CHPF: variants seen among roughly 807,000 people sequenced by gnomAD.
CHPF encodes the protein chondroitin polymerizing factor.
Under a neutral mutation model 55.1 loss-of-function variants are expected in CHPF, and 34 were observed. That is an observed-to-expected ratio of 0.62 (90% CI 0.47 to 0.82). The LOEUF (loss-of-function observed/expected upper bound fraction) is 0.82, where lower values mean the gene tolerates loss of function less well. Among genes scored for constraint, CHPF ranks in the 40% least tolerant of loss-of-function variants. The pLI is 0.00. For synonymous variants in CHPF, 489 were observed against 496.6 expected (o/e 0.98, Z 0.20); for missense variants, 961 against 1,106.1 (o/e 0.87, Z 1.86).
chr2:219,541,226 T>C, intron 2 of CHPF, 101 bp from the exon 3 acceptor site: 2 of 1,180,026 alleles, frequency 1.7e-6, no homozygotes, highest in Non-Finnish European at 2.3e-6. Context: ...GTTGTGGACT[T>C]GCAGTCTGAG....
Position 219,539,355 on chromosome 2 carries a change from T to C in CHPF, c.*28A>G, listed in dbSNP as rs1243944378. The C allele has an allele frequency of 1.3e-6, 2 of 1,563,842 alleles. No individual in the cohort carries two copies. The highest frequency in any genetic ancestry group is 2.7e-5 in the African/African-American group (2 of 74,056). On this transcript the variant is annotated 3_prime_UTR_variant, in exon 4 of 4. Transcript: ENST00000243776. ...GGAGAAGTGGGGTGGGGTGTGGCCATGCCACGGCCCACGGGGACAGGGTGG... is the reference window on the plus strand; with the variant it reads ...GGAGAAGTGGGGTGGGGTGTGGCCACGCCACGGCCCACGGGGACAGGGTGG...
chr2:219,541,729 G>A lies in CHPF; in HGVS notation c.775C>T (p.Leu259=). 1 of 1,611,228 alleles carries A rather than the reference G, an allele frequency of 6.2e-7. No homozygotes were observed. The highest frequency in any genetic ancestry group is 1.3e-5 in the African/African-American group (1 of 75,010). The change falls in exon 2 of 4, where the codon CTG becomes TTG. Residue 259 remains leucine (L), a synonymous_variant. Coordinates refer to ENST00000243776, the MANE Select transcript of CHPF (RefSeq NM_024536.6). The part of the protein sequence containing the change: ...VLLSRMLLQQ[L]RPHLEGCRND... Reference sequence around the variant, plus strand: ...CGGCAGCCTTCCAGGTGGGGGCGCAGTTGTTGCAGCAGCATGCGCGACAGC... The same window carrying A: ...CGGCAGCCTTCCAGGTGGGGGCGCAATTGTTGCAGCAGCATGCGCGACAGC...
chr2:219,540,453 C>G lies in CHPF; in HGVS notation c.1258G>C (p.Ala420Pro). The part of the protein sequence containing the change: ...PRCPLRGADR[A>P]DVADVLGTAL... ...GTCCCCAGAACATCGGCCACATCAGCCCGGTCAGCCCCACGCAGTGGGCAG... is the reference window on the plus strand; with the variant it reads ...GTCCCCAGAACATCGGCCACATCAGGCCGGTCAGCCCCACGCAGTGGGCAG... Residue 420 changes from alanine to proline, a missense_variant, in exon 4 of 4, where the codon GCT (alanine) becomes CCT (proline). Transcript: ENST00000243776. 1.2e-6 allele frequency: 2 copies of G among 1,613,888 alleles called. No homozygotes were observed. Among genetic ancestry groups the G allele is most frequent in the Non-Finnish European group, 1.7e-6 (2 of 1,179,990 alleles).
In CHPF at chr2:219,543,619, G is replaced by T; in HGVS notation, c.-81C>A. On this transcript the variant is annotated 5_prime_UTR_variant, in exon 1 of 4. Transcript: ENST00000243776. ...TCTCCGAGGGGGCGGGACCGGGGAG[G>T]GGGCGGATCCGGAGGGCTCGGGCCC... The T allele has an allele frequency of 8.7e-7, 1 of 1,149,488 alleles. No individual in the cohort carries two copies. The highest frequency in any genetic ancestry group is 1.1e-6 in the Non-Finnish European group (1 of 893,758). The allele number at this position is 1,149,488 out of a possible 1,614,324, so 71.2% of individuals were successfully genotyped here.
Position 219,543,575 on chromosome 2 carries a change from C to A in CHPF, c.-37G>T. On this transcript the variant is annotated 5_prime_UTR_variant, in exon 1 of 4. Coordinates refer to ENST00000243776, the MANE Select transcript of CHPF (RefSeq NM_024536.6). Reference sequence around the variant, plus strand: ...CGCGGGTCCCCGGCCCCGGCGAACCCCCAGAGCAGCCAGAGGAGTCTCCGA... The same window carrying A: ...CGCGGGTCCCCGGCCCCGGCGAACCACCAGAGCAGCCAGAGGAGTCTCCGA... The A allele has an allele frequency of 2.3e-6, 3 of 1,316,134 alleles. No individual in the cohort carries two copies. Among genetic ancestry groups the A allele is most frequent in the Non-Finnish European group, 2.9e-6 (3 of 1,035,034 alleles). The allele number at this position is 1,316,134 out of a possible 1,614,324, so 81.5% of individuals were successfully genotyped here.
chr2:219,541,375 T>C, intron 2 of CHPF: 1 of 545,952 alleles, frequency 1.8e-6, no homozygotes, highest in East Asian at 3.1e-5. Flanking sequence ...ATGCCTATTA[T>C]GTACAAGGCT....
rs756329032 is a variant in CHPF, at chr2:219,539,765, G to C, written c.1946C>G (p.Pro649Arg). The change falls in exon 4 of 4, where the codon CCA (proline) becomes CGA (arginine). Residue 649 changes from proline (P) to arginine (R), a missense_variant. Physicochemically the swap from Pro to Arg is moderately radical, Grantham distance 103. Coordinates refer to ENST00000243776, the MANE Select transcript of CHPF (RefSeq NM_024536.6). ...FFPMHFQAFH[P>R]AVAPPQGPGP... ...AGGCCCTTGTGGTGGGGCCACAGCT[G>C]GGTGGAAGGCTTGGAAATGCATGGG... 1.9e-6 allele frequency: 3 copies of C among 1,613,494 alleles called. No individual in the cohort carries two copies. The highest frequency in any genetic ancestry group is 1.7e-5 in the Admixed American group (1 of 60,034).
At chr2:219,542,885 T>G in intron 1 of CHPF, 2 of 1,098,270 alleles carry the variant, frequency 1.8e-6, no homozygotes, top group Non-Finnish European at 1.1e-6. Context: ...GTTCTCTCCT[T>G]TCTCTTCCCC....
Position 219,540,057 on chromosome 2 carries a change from G to A in CHPF, c.1654C>T (p.Arg552Cys), listed in dbSNP as rs763280868. The change falls in exon 4 of 4, where the codon CGC becomes TGC. Residue 552 changes from arginine to cysteine, a missense_variant. This residue lies in a region of CHPF where 936 missense variants were observed against 1,058.4 expected (regional missense o/e 0.88). Coordinates refer to ENST00000243776, the MANE Select transcript of CHPF (RefSeq NM_024536.6). ...ALTLLLLYEP[R>C]QAQRVAHADV... ...GCATGGGCCACGCGCTGGGCCTGGC[G>A]CGGCTCATACAGTAGCAGCAGGGTC... The A allele has an allele frequency of 4.3e-6, 7 of 1,611,034 alleles. No individual in the cohort carries two copies. Among genetic ancestry groups the A allele is most frequent in the African/African-American group, 1.3e-5 (1 of 74,886 alleles).
chr2:219,540,043 G>T lies in CHPF; in HGVS notation c.1668C>A (p.Arg556=). Residue 556 remains arginine (R), a synonymous_variant, in exon 4 of 4, where the codon CGC becomes CGA. Coordinates refer to ENST00000243776, the MANE Select transcript of CHPF (RefSeq NM_024536.6). The part of the protein sequence containing the change: ...LLLYEPRQAQ[R]VAHADVFAPV... ...GTGCGAAGACATCTGCATGGGCCAC[G>T]CGCTGGGCCTGGCGCGGCTCATACA... The T allele has an allele frequency of 1.9e-6, 3 of 1,612,520 alleles. No individual in the cohort carries two copies. The highest frequency in any genetic ancestry group is 2.7e-5 in the African/African-American group (2 of 75,030).
chr2:219,540,259 T>G lies in CHPF; in HGVS notation c.1452A>C (p.Arg484=). The part of the protein sequence containing the change: ...PQGGRRPLTR[R]VQLLRPLSRV... The stretch of plus-strand genomic sequence containing the variant: ...GGCTCAGCGGCCGGAGCAGCTGCAC[T>G]CGGCGAGTGAGGGGCCGGCGGCCTC... Residue 484 remains arginine, a synonymous_variant, in exon 4 of 4, where the codon CGA becomes CGC. Coordinates refer to ENST00000243776, the MANE Select transcript of CHPF (RefSeq NM_024536.6). 6.2e-7 allele frequency: 1 copy of G among 1,613,764 alleles called. No homozygotes were observed. Among genetic ancestry groups the G allele is most frequent in the Non-Finnish European group, 8.5e-7 (1 of 1,179,862 alleles).
In CHPF at chr2:219,541,069, G is replaced by GT. The variant is rs1309140057; in HGVS notation, c.944dup (p.Asp315GlufsTer15). ...CTGTCAGGGCACTTCGGAAATGAGG[G>GT]TCCCCCTCCTGCACTGGCTCCCCAG... is the stretch of plus-strand genomic sequence containing the variant. On this transcript the variant is annotated frameshift_variant, in exon 3 of 4. Coordinates refer to ENST00000243776, the MANE Select transcript of CHPF (RefSeq NM_024536.6). LOFTEE classifies it high-confidence loss of function. 9 of 1,613,406 alleles carry GT rather than the reference G, an allele frequency of 5.6e-6. No homozygotes were observed. In the Admixed American group the frequency reaches 1.5e-4, roughly 27 times the overall value.
intron 1 of CHPF, chr2:219,542,927 A>G (rs937757979): frequency 3.2e-4 from 390 of 1,228,460 alleles, no homozygotes; most frequent in Non-Finnish European, 2.9e-4. Context: ...TATATAAGTC[A>G]TTTCTCTAAC....
At position 219,539,479 on chromosome 2, in the gene CHPF, C is replaced by G. The variant is rs1695211788; in HGVS notation, c.2232G>C (p.Leu744=). 6.2e-7 allele frequency: 1 copy of G among 1,613,536 alleles called. No individual in the cohort carries two copies. The highest frequency in any genetic ancestry group is 1.7e-5 in the Admixed American group (1 of 59,998). The change falls in exon 4 of 4, where the codon CTG becomes CTC. Residue 744 remains leucine, a synonymous_variant. Coordinates refer to ENST00000243776, the MANE Select transcript of CHPF (RefSeq NM_024536.6). ...GCACGCTCTGGAGGCAGCGGTGGTA[C>G]AGGTCCTCACTGAGCCTCGCGCTGC... ...QTCSARLSED[L]YHRCLQSVLE...
Position 219,540,569 on chromosome 2 carries a change from G to A in CHPF, c.1142C>T (p.Ala381Val), listed in dbSNP as rs766726125. 6.2e-7 allele frequency: 1 copy of A among 1,613,424 alleles called. No homozygotes were observed. Among genetic ancestry groups the A allele is most frequent in the Non-Finnish European group, 8.5e-7 (1 of 1,179,852 alleles). ...AAAGCGGGAGGCCGGGCGGGATGGT[G>A]CTGGAATACCCACGGGCCAAGCAGC... is the stretch of plus-strand genomic sequence containing the variant. ...QAAAWPVGIP[A>V]PSRPASRFEV... The change falls in exon 4 of 4, where the codon GCA (alanine) becomes GTA (valine). Residue 381 changes from alanine to valine, a missense_variant. Ala to Val is a moderately conservative substitution (Grantham distance 64). This residue lies in a region of CHPF where 936 missense variants were observed against 1,058.4 expected (regional missense o/e 0.88). Coordinates refer to ENST00000243776, the MANE Select transcript of CHPF (RefSeq NM_024536.6).
chr2:219,539,382 G>C lies in CHPF; in HGVS notation c.*1C>G, dbSNP rs199582710. On this transcript the variant is annotated 3_prime_UTR_variant, in exon 4 of 4. Coordinates refer to ENST00000243776, the MANE Select transcript of CHPF (RefSeq NM_024536.6). The stretch of plus-strand genomic sequence containing the variant: ...CCACGGCCCACGGGGACAGGGTGGG[G>C]TCAGGTGCTGTTGCCCTGCTCCTGT... The C allele has an allele frequency of 1.3e-6, 2 of 1,593,102 alleles. No homozygotes were observed. The highest frequency in any genetic ancestry group is 3.4e-5 in the Admixed American group (2 of 59,420).
chr2:219,541,076 T>A lies in CHPF; in HGVS notation c.938A>T (p.Glu313Val). The change falls in exon 3 of 4, where the codon GAG becomes GTG. Residue 313 changes from glutamate (E) to valine (V), a missense_variant. Glu to Val is a moderately radical substitution (Grantham distance 121). Coordinates refer to ENST00000243776, the MANE Select transcript of CHPF (RefSeq NM_024536.6). ...GGCACTTCGGAAATGAGGGTCCCCCTCCTGCACTGGCTCCCCAGGGCTCAG... is the reference window on the plus strand; with the variant it reads ...GGCACTTCGGAAATGAGGGTCCCCCACCTGCACTGGCTCCCCAGGGCTCAG... ...LELSPGEPVQ[E>V]GDPHFRSALT... 6.2e-7 allele frequency: 1 copy of A among 1,613,182 alleles called. No homozygotes were observed. The highest frequency in any genetic ancestry group is 1.1e-5 in the South Asian group (1 of 90,902).
chr2:219,541,862 G>A lies in CHPF; in HGVS notation c.642C>T (p.Gly214=), dbSNP rs1695276780. ...TEAHGLARLT[G]HLSLASAAHL... is the part of the protein sequence containing the mutation. ...GGGCGGCGGAGGCCAGGCTGAGGTGGCCAGTTAGGCGTGCCAGGCCGTGCG... is the reference window on the plus strand; with the variant it reads ...GGGCGGCGGAGGCCAGGCTGAGGTGACCAGTTAGGCGTGCCAGGCCGTGCG... Residue 214 remains glycine (G), a synonymous_variant, in exon 2 of 4, where the codon GGC becomes GGT. Coordinates refer to ENST00000243776, the MANE Select transcript of CHPF (RefSeq NM_024536.6). The A allele has an allele frequency of 6.2e-7, 1 of 1,612,158 alleles. No individual in the cohort carries two copies. The highest frequency in any genetic ancestry group is 1.3e-5 in the African/African-American group (1 of 74,924).
At position 219,539,208 on chromosome 2, in the gene CHPF, C is replaced by A; in HGVS notation, c.*175G>T. On this transcript the variant is annotated 3_prime_UTR_variant, in exon 4 of 4. Coordinates refer to ENST00000243776, the MANE Select transcript of CHPF (RefSeq NM_024536.6). ...GAAGTGGGTGGCTCTGGGGGCACGT[C>A]CCCCAGTGCTTGTCCAGAGCCCAGG... 1.6e-6 allele frequency: 1 copy of A among 613,776 alleles called. No homozygotes were observed. Among genetic ancestry groups the A allele is most frequent in the Non-Finnish European group, 2.8e-6 (1 of 360,758 alleles). The allele number at this position is 613,776 out of a possible 1,614,324, so 38.0% of individuals were successfully genotyped here.
Sources: gnomAD v4.1 joint callset for allele counts on GRCh38, gnomAD v4.1.1 for gene constraint, gnomAD v4.1.1 regional missense constraint, MANE v1.5 for transcripts, NCBI Gene and HGNC (gene_info 2026-07-23, HGNC 2026-07-21) for gene names.